The following NUP205 variants were observed in gnomAD, a reference collection of about 807,000 sequenced individuals.
The protein encoded by NUP205 is nuclear pore complex protein Nup205.
Under a neutral mutation model 253.8 loss-of-function variants are expected in NUP205, and 76 were observed. That is an observed-to-expected ratio of 0.30 (90% CI 0.25 to 0.36). NUP205 has a LOEUF of 0.36. Ranked by LOEUF, NUP205 falls within the 10% of genes least tolerant of loss-of-function variation. The probability of loss-of-function intolerance (pLI) is 1.00; values close to 1 mark genes in which losing one functional copy is unlikely to be tolerated. For missense variants in NUP205, 2,162 were observed against 2,425.5 expected (o/e 0.89, Z 2.28); for synonymous variants, 832 against 850.1 (o/e 0.98, Z 0.37).
At chr7:135,630,650 G>A (rs749647798) in intron 35 of NUP205, among the ~76,000 whole-genome samples, 180 bp downstream of exon 35, 19 of 152,148 alleles carry the variant, frequency 1.2e-4, no homozygotes, top group Non-Finnish European at 2.6e-4. Flanking sequence ...TTGGCTGGGT[G>A]TGGTGGCTCA....
chr7:135,645,312 C>T (rs1039186163), intron 40 of NUP205, among the ~76,000 whole-genome samples, 156 bp from the exon 41 acceptor site: 1 of 152,220 alleles, frequency 6.6e-6, no homozygotes, highest in African/African-American at 2.4e-5. Flanking sequence ...TTGCTGCTTC[C>T]TCTTGAGGAG....
intron 3 of NUP205, among the ~76,000 whole-genome samples, chr7:135,574,332 A>G (rs1584642069): frequency 6.6e-6 from 1 of 152,176 alleles, no homozygotes; most frequent in African/African-American, 2.4e-5. Context: ...GATGATTTCA[A>G]TAATACAGAG....
At chr7:135,585,537 T>C (rs1806435076) in intron 8 of NUP205, among the ~76,000 whole-genome samples, 2 of 152,124 alleles carry the variant, frequency 1.3e-5, no homozygotes, top group Non-Finnish European at 2.9e-5. Context: ...AAATTGCATT[T>C]TATAGATAAT....
rs369737745 is a variant in NUP205, at chr7:135,602,781, T to A, written c.2513-24T>A. 261 of 1,577,578 alleles carry A rather than the reference T, an allele frequency of 1.7e-4. No homozygotes were observed. In the African/African-American group the frequency reaches 3.1e-3, roughly 19 times the overall value. On this transcript the variant is annotated intron_variant, in intron 17 of 42. Coordinates refer to ENST00000285968, the MANE Select transcript of NUP205 (RefSeq NM_015135.3). ...AGTTTTTAAGATAAATTTAGAACTT[T>A]CTAACTTTATTTTTGGTTGATAGGG...
chr7:135,615,377 G>A, intron 23 of NUP205, among the ~76,000 whole-genome samples: 1 of 152,112 alleles, frequency 6.6e-6, no homozygotes, highest in Middle Eastern at 3.2e-3. Context: ...CTGGGCAATA[G>A]AGTGAGACCC....
intron 33 of NUP205, among the ~76,000 whole-genome samples, chr7:135,627,098 A>G (rs1052660839): frequency 1.3e-5 from 2 of 152,140 alleles, no homozygotes; most frequent in African/African-American, 4.8e-5. Context: ...GTTGAGTTAA[A>G]TACTCTTTAG....
At chr7:135,603,076 G>T in intron 18 of NUP205, 82 bp downstream of exon 18, 20 of 832,498 alleles carry the variant, frequency 2.4e-5, no homozygotes, top group Non-Finnish European at 2.9e-5. Context: ...TAGGTATCTA[G>T]TGCATCACCT....
rs765422001 is a variant in NUP205 at position 135,587,634 on chromosome 7, G to C, written c.1278G>C (p.Gln426His). ...CTCGAATGATTCACATGAGTATGCA[G>C]ATGGGTAATGAACCCCCCATTTCAC... ...EDARMIHMSM[Q>H]MGNEPPISLR... The change falls in exon 9 of 43, where the codon CAG becomes CAC. Residue 426 changes from glutamine (Q) to histidine (H), a missense_variant. By Grantham distance (24) the Gln-to-His change is conservative. This residue lies in a region of NUP205 where 892 missense variants were observed against 957.1 expected (regional missense o/e 0.93). Transcript: ENST00000285968. 1 of 1,611,716 alleles carries C rather than the reference G, an allele frequency of 6.2e-7. No homozygotes were observed. The highest frequency in any genetic ancestry group is 1.1e-5 in the South Asian group (1 of 90,524).
rs759222140 is a variant in NUP205 at position 135,577,811 on chromosome 7, A to G, written c.664A>G (p.Lys222Glu). 26 of 1,613,534 alleles carry G rather than the reference A, an allele frequency of 1.6e-5. No homozygotes were observed. Among genetic ancestry groups the G allele is most frequent in the Non-Finnish European group, 1.9e-5 (23 of 1,179,604 alleles). ...KHRKEVSDLI[K>E]ECRQSLAESL... is the part of the protein sequence containing the mutation. ...TTATTTCTAGGTTTCTGATCTCATTAAGGAGTGCAGGCAGTCTCTTGCAGA... is the reference window on the plus strand; with the variant it reads ...TTATTTCTAGGTTTCTGATCTCATTGAGGAGTGCAGGCAGTCTCTTGCAGA... The change falls in exon 6 of 43, where the codon AAG (lysine) becomes GAG (glutamate). Residue 222 changes from lysine (K) to glutamate (E), a missense_variant. By Grantham distance (56) the Lys-to-Glu change is moderately conservative (BLOSUM62 1). Around this residue, in one of 5 missense-constraint regions of NUP205, gnomAD observed 892 missense variants for 957.1 expected, o/e 0.93. Transcript: ENST00000285968.
rs1563125856 is a variant in NUP205, at chr7:135,606,787, A to G, written c.2942A>G (p.His981Arg). The G allele has an allele frequency of 3.7e-6, 6 of 1,613,966 alleles. No individual in the cohort carries two copies. The highest frequency in any genetic ancestry group is 1.1e-5 in the South Asian group (1 of 91,074). Residue 981 changes from histidine to arginine, a missense_variant, in exon 21 of 43, where the codon CAT becomes CGT. By Grantham distance (29) the His-to-Arg change is conservative (BLOSUM62 0). Around this residue, in one of 5 missense-constraint regions of NUP205, gnomAD observed 1,144 missense variants for 1,280.9 expected, o/e 0.89. Transcript: ENST00000285968. Reference sequence around the variant, plus strand: ...GAAAAGAAATTAGTTGCAATTCGTCATGAAACAAGAATCCACATCTTGAAT... The same window carrying G: ...GAAAAGAAATTAGTTGCAATTCGTCGTGAAACAAGAATCCACATCTTGAAT... ...ELEKKLVAIRHETRIHILNLL... is the reference protein window; with the variant it reads ...ELEKKLVAIRRETRIHILNLL...
intron 22 of NUP205, among the ~76,000 whole-genome samples, chr7:135,608,578 C>T (rs373546559): frequency 6.6e-6 from 1 of 151,694 alleles, no homozygotes; most frequent in East Asian, 2.0e-4. Context: ...CGTGGTGGCA[C>T]GTGCCTGTAA....
At chr7:135,589,416 A>G (rs982318680) in intron 10 of NUP205, among the ~76,000 whole-genome samples, 2 of 150,594 alleles carry the variant, frequency 1.3e-5, no homozygotes, top group Non-Finnish European at 3.0e-5. Flanking sequence ...AGCCTCCCGA[A>G]TAACTGGGGT....
intron 35 of NUP205, among the ~76,000 whole-genome samples, chr7:135,634,504 G>A (rs73158994): frequency 0.028 from 4,193 of 151,850 alleles, 93 homozygotes; most frequent in South Asian, 0.041. Flanking sequence ...GGGAAAGGAG[G>A]GCATAAGAAT....
At chr7:135,566,699 CTT>C (rs1008968870) in intron 1 of NUP205, among the ~76,000 whole-genome samples, 2 of 152,034 alleles carry the variant, frequency 1.3e-5, no homozygotes, top group African/African-American at 4.8e-5. Flanking sequence ...TTCATCATAT[CTT>C]TTATTATACT....
At chr7:135,559,609 G>T (rs780751705) in intron 1 of NUP205, among the ~76,000 whole-genome samples, 1 of 151,814 alleles carries the variant, frequency 6.6e-6, no homozygotes, top group African/African-American at 2.4e-5. Context: ...GTCCTCAAGC[G>T]ATCTTTCTGC....
At chr7:135,578,705 G>C in intron 6 of NUP205, 46 bp from the exon 7 acceptor site, 6 of 1,407,388 alleles carry the variant, frequency 4.3e-6, no homozygotes, top group Non-Finnish European at 5.8e-6. Flanking sequence ...TCAGAAGTGA[G>C]AATTTATCTG....
At chr7:135,613,330 A>C (rs1250098661) in intron 22 of NUP205, among the ~76,000 whole-genome samples, 1 of 151,580 alleles carries the variant, frequency 6.6e-6, no homozygotes, top group African/African-American at 2.4e-5. Flanking sequence ...CTTATATTTA[A>C]TATAAGAACT....
chr7:135,570,644 A>G (rs964596071), intron 1 of NUP205, among the ~76,000 whole-genome samples: 5 of 133,882 alleles, frequency 3.7e-5, no homozygotes, highest in African/African-American at 1.4e-4. Flanking sequence ...TTATATAATT[A>G]GCAATCATTT....
At chr7:135,580,615 G>A (rs1007700169) in intron 7 of NUP205, among the ~76,000 whole-genome samples, 4 of 151,764 alleles carry the variant, frequency 2.6e-5, no homozygotes, top group African/African-American at 7.3e-5. Flanking sequence ...GTCGCACGCC[G>A]CCACACCCAG....
Sources: allele counts gnomAD v4.1 joint callset (sites outside exome capture counted in the v4.1 genomes callset), GRCh38; gene constraint gnomAD v4.1.1; regional missense constraint gnomAD v4.1.1; transcripts MANE v1.5; gene names NCBI Gene and HGNC (gene_info 2026-07-23, HGNC 2026-07-21).